The following PALS2 variants were observed in gnomAD, a reference collection of about 807,000 sequenced individuals.
PALS2 encodes protein associated with LIN7 2, MAGUK p55 family member.
PALS2 carries 27 observed loss-of-function variants against 61.6 expected under a neutral mutation model. The ratio of observed to expected loss-of-function variants is 0.44; its 90% confidence interval spans 0.32 to 0.60. PALS2 has a LOEUF of 0.60. Among genes scored for constraint, PALS2 ranks in the 20% least tolerant of loss-of-function variants. The pLI is 0.05. For synonymous variants in PALS2, 236 were observed against 218.6 expected (o/e 1.08, Z -0.70); for missense variants, 554 against 639.4 (o/e 0.87, Z 1.44).
intron 2 of PALS2, among the ~76,000 whole-genome samples, chr7:24,633,391 A>C: frequency 1.9e-5 from 2 of 106,782 alleles, no homozygotes; most frequent in African/African-American, 3.5e-5. Context: ...TAAAGATTTC[A>C]CTCTATTCTC....
intron 1 of PALS2, among the ~76,000 whole-genome samples, chr7:24,622,045 G>T (rs1784542920): frequency 6.6e-6 from 1 of 152,032 alleles, no homozygotes; most frequent in Non-Finnish European, 1.5e-5. Flanking sequence ...ATATATGCTA[G>T]TTCCACACAG....
intron 1 of PALS2, among the ~76,000 whole-genome samples, chr7:24,615,361 C>T (rs1446282093): frequency 6.6e-6 from 1 of 151,062 alleles, no homozygotes; most frequent in Non-Finnish European, 1.5e-5. Flanking sequence ...ATAAAATCAA[C>T]AAGAAAAAAA....
intron 1 of PALS2, among the ~76,000 whole-genome samples, chr7:24,604,892 C>T (rs983371354): frequency 4.6e-5 from 7 of 152,294 alleles, no homozygotes; most frequent in South Asian, 4.2e-4. Context: ...CGGTTATCAC[C>T]AACTGAGCTG....
chr7:24,621,491 T>C (rs1464612298), intron 1 of PALS2, among the ~76,000 whole-genome samples: 1 of 152,030 alleles, frequency 6.6e-6, no homozygotes, highest in Non-Finnish European at 1.5e-5. Flanking sequence ...AGTCTGAAGA[T>C]AGGGAAAGTA....
At chr7:24,666,156 C>T in intron 8 of PALS2, 67 bp downstream of exon 8, 1 of 1,382,996 alleles carries the variant, frequency 7.2e-7, no homozygotes, top group Non-Finnish European at 1.0e-6. Context: ...GTGGCATAAA[C>T]TCTGAATATA....
chr7:24,657,277 A>G (rs1404401962), intron 5 of PALS2, among the ~76,000 whole-genome samples: 1 of 152,212 alleles, frequency 6.6e-6, no homozygotes, highest in Non-Finnish European at 1.5e-5. Flanking sequence ...GTACTTTTGA[A>G]GAAATGACTA....
At chr7:24,684,502 G>A (rs1788097303) in intron 11 of PALS2, among the ~76,000 whole-genome samples, 1 of 152,140 alleles carries the variant, frequency 6.6e-6, no homozygotes, top group South Asian at 2.1e-4. Context: ...AGATGTTCCA[G>A]ATTATTCTAC....
chr7:24,682,468 C>G (rs1435212782), intron 11 of PALS2, among the ~76,000 whole-genome samples: 1 of 152,194 alleles, frequency 6.6e-6, no homozygotes, highest in African/African-American at 2.4e-5. Context: ...CTGTCCTCAA[C>G]TCAAGAGTCC....
At chr7:24,586,985 A>G (rs1348477222) in intron 1 of PALS2, among the ~76,000 whole-genome samples, 1 of 125,890 alleles carries the variant, frequency 7.9e-6, no homozygotes, top group South Asian at 2.6e-4. Flanking sequence ...CTGCCCCCCA[A>G]ATTCTAGTAT....
intron 9 of PALS2, among the ~76,000 whole-genome samples, chr7:24,672,374 C>T (rs758129045): frequency 6.6e-6 from 1 of 151,696 alleles, no homozygotes; most frequent in Non-Finnish European, 1.5e-5. Flanking sequence ...ATTACAGGCA[C>T]CCACCATCCT....
chr7:24,670,404 C>T (rs1209180506), intron 9 of PALS2, among the ~76,000 whole-genome samples: 2 of 151,952 alleles, frequency 1.3e-5, no homozygotes, highest in Non-Finnish European at 2.9e-5. Flanking sequence ...GGACTACATG[C>T]TGTCTCTCTG....
chr7:24,576,349 G>T (rs527282622), intron 1 of PALS2, among the ~76,000 whole-genome samples: 173 of 152,202 alleles, frequency 1.1e-3, no homozygotes, highest in Non-Finnish European at 2.0e-3. Context: ...CTGACCACTG[G>T]GGGGAGACTT....
intron 2 of PALS2, among the ~76,000 whole-genome samples, chr7:24,638,322 C>CTTTCTTTTTTTTTTTTT: frequency 8.4e-5 from 1 of 11,926 alleles, no homozygotes; most frequent in Non-Finnish European, 1.2e-4. Context: ...TCTGTATTTT[C>CTTTCTTTTTTTTTTTTT]TTTTTTTTTT....
intron 2 of PALS2, among the ~76,000 whole-genome samples, chr7:24,624,619 T>C (rs1469496002): frequency 6.8e-6 from 1 of 146,816 alleles, no homozygotes; most frequent in Non-Finnish European, 1.5e-5. Context: ...TTTTTTTTTT[T>C]TTTTTGAGAG....
At chr7:24,611,651 CTATGAAAG>C (rs1784116652) in intron 1 of PALS2, among the ~76,000 whole-genome samples, 1 of 151,818 alleles carries the variant, frequency 6.6e-6, no homozygotes, top group African/African-American at 2.4e-5. Context: ...GTATAGAGTA[CTATGAAAG>C]TATGTCTTAG....
chr7:24,645,061 A>G (rs905650311), intron 3 of PALS2, among the ~76,000 whole-genome samples: 12 of 152,084 alleles, frequency 7.9e-5, no homozygotes, highest in Non-Finnish European at 1.6e-4. Context: ...ATCATTTGCA[A>G]ATGTTTTCTC....
intron 3 of PALS2, among the ~76,000 whole-genome samples, chr7:24,646,224 T>C (rs1030590160): frequency 6.6e-6 from 1 of 152,350 alleles, no homozygotes; most frequent in African/African-American, 2.4e-5. Context: ...CATCCTTGTC[T>C]TGTGCTGGTT....
chr7:24,606,116 A>T (rs903481261), intron 1 of PALS2, among the ~76,000 whole-genome samples: 5 of 152,154 alleles, frequency 3.3e-5, no homozygotes, highest in Non-Finnish European at 7.4e-5. Context: ...ACATTCAATA[A>T]TATCTTTTAA....
At chr7:24,647,512 T>G (rs1371777073) in intron 3 of PALS2, among the ~76,000 whole-genome samples, 1 of 152,202 alleles carries the variant, frequency 6.6e-6, no homozygotes. Context: ...GCTCTAATTT[T>G]TGTTATTTCT....
Sources: allele counts gnomAD v4.1 joint callset (sites outside exome capture counted in the v4.1 genomes callset), GRCh38; gene constraint gnomAD v4.1.1; transcripts MANE v1.5; gene names NCBI Gene and HGNC (gene_info 2026-07-23, HGNC 2026-07-21).